Variants in WDR25 observed in about 807,000 individuals in gnomAD.
WDR25 encodes WD repeat domain 25, also known as WD repeat-containing protein 25.
WDR25 carries 35 observed loss-of-function variants against 47.7 expected under a neutral mutation model. That is an observed-to-expected ratio of 0.73 (90% CI 0.56 to 0.97). The LOEUF (loss-of-function observed/expected upper bound fraction) is 0.97, where lower values mean the gene tolerates loss of function less well. Ranked by LOEUF, WDR25 falls within the 50% of genes least tolerant of loss-of-function variation. The pLI is 0.00. For synonymous variants in WDR25, 248 were observed against 278.9 expected (o/e 0.89, Z 1.10); for missense variants, 634 against 704.7 (o/e 0.90, Z 1.14).
rs752347469 is a variant in WDR25, at chr14:100,500,065, G to T, written c.1101+15941G>T. ...TCCACCCAGAGGTTCCCTGGGACCT[G>T]GTTGCTGTCTTCCTAGAGGTGCCAC... On this transcript the variant is annotated intron_variant, in intron 4 of 6. Transcript: ENST00000402312. The surrounding 1 kb of genome is among the most constrained non-coding windows in gnomAD (Gnocchi z 4.7). Among the ~76,000 whole-genome samples the T allele has an allele frequency of 2.6e-5, 4 of 152,048 alleles. No homozygotes were observed. Among genetic ancestry groups the T allele is most frequent in the Non-Finnish European group, 5.9e-5 (4 of 68,002 alleles).
intron 2 of WDR25, among the ~76,000 whole-genome samples, chr14:100,402,509 T>A (rs1053054912): frequency 6.6e-6 from 1 of 152,208 alleles, no homozygotes; most frequent in Middle Eastern, 3.2e-3. Flanking sequence ...GACAGAGTGA[T>A]GCGCTGTCAG....
chr14:100,512,641 A>G (rs958691081), intron 4 of WDR25, among the ~76,000 whole-genome samples: 1 of 151,882 alleles, frequency 6.6e-6, no homozygotes, highest in Admixed American at 6.5e-5. Flanking sequence ...CTTGAATTTA[A>G]TTTTCTTTTT....
intron 1 of WDR25, among the ~76,000 whole-genome samples, chr14:100,379,227 T>C (rs1418144379): frequency 6.6e-6 from 1 of 152,186 alleles, no homozygotes; most frequent in Non-Finnish European, 1.5e-5. Flanking sequence ...AGCAAACATA[T>C]GCTAGTATTT....
chr14:100,388,926 T>G (rs1897078464), intron 2 of WDR25, among the ~76,000 whole-genome samples: 1 of 152,218 alleles, frequency 6.6e-6, no homozygotes, highest in African/African-American at 2.4e-5. Context: ...TCATCCCATG[T>G]CATTAAGGGA....
chr14:100,396,793 C>G (rs1897270012), intron 2 of WDR25, among the ~76,000 whole-genome samples: 1 of 152,238 alleles, frequency 6.6e-6, no homozygotes, highest in African/African-American at 2.4e-5. Context: ...GTCCCTGGGC[C>G]AGACTGCCAG....
chr14:100,460,634 A>G (rs1490897999), intron 2 of WDR25, among the ~76,000 whole-genome samples: 3 of 152,160 alleles, frequency 2.0e-5, no homozygotes, highest in African/African-American at 7.2e-5. Context: ...ACAATATCCA[A>G]CATTCATTAG....
chr14:100,411,216 C>T (rs1021128877), intron 2 of WDR25, among the ~76,000 whole-genome samples: 7 of 152,150 alleles, frequency 4.6e-5, no homozygotes, highest in Admixed American at 1.3e-4. Flanking sequence ...GTGCTAGGCT[C>T]AGACCCCAGC....
intron 2 of WDR25, among the ~76,000 whole-genome samples, chr14:100,457,532 G>A (rs1331409161): frequency 6.6e-6 from 1 of 152,164 alleles, no homozygotes; most frequent in Non-Finnish European, 1.5e-5. Context: ...TGATTTCGCC[G>A]TCAGCAAACT....
chr14:100,385,936 C>T (rs1456889163), intron 2 of WDR25, among the ~76,000 whole-genome samples: 1 of 152,156 alleles, frequency 6.6e-6, no homozygotes, highest in African/African-American at 2.4e-5. Flanking sequence ...ACAGAACCCT[C>T]TGCCAGGCAC....
chr14:100,528,386 A>G (rs1271561969), intron 5 of WDR25, among the ~76,000 whole-genome samples: 2 of 148,128 alleles, frequency 1.4e-5, no homozygotes, highest in African/African-American at 5.0e-5. Flanking sequence ...TCTTCACACC[A>G]CCTTCACTGT....
chr14:100,429,046 C>T (rs1008510845), intron 2 of WDR25, among the ~76,000 whole-genome samples: 4 of 152,148 alleles, frequency 2.6e-5, no homozygotes, highest in Admixed American at 1.3e-4. Flanking sequence ...TCCACTGTGC[C>T]GTAGATACTC....
intron 2 of WDR25, among the ~76,000 whole-genome samples, chr14:100,400,919 G>A (rs1042024934): frequency 3.3e-5 from 5 of 152,112 alleles, no homozygotes; most frequent in African/African-American, 4.8e-5. Context: ...TTTTGTTATT[G>A]TTTTTATTTT....
Position 100,521,210 on chromosome 14 carries a change from A to AG in WDR25, c.1102-4659dup, listed in dbSNP as rs535792464. Among the ~76,000 whole-genome samples, 345 of 152,186 alleles carry AG rather than the reference A, an allele frequency of 2.3e-3. 2 individuals are homozygous for AG. The highest frequency in any genetic ancestry group is 8.2e-3 in the African/African-American group (341 of 41,486). On this transcript the variant is annotated intron_variant, in intron 4 of 6. Coordinates refer to ENST00000402312, the MANE Select transcript of WDR25 (RefSeq NM_001161476.3). Reference sequence around the variant, plus strand: ...CACACACACACACACACACAGAGAGAGAGAGAGACAGAGAGAGAATTATAT... The same window carrying AG: ...CACACACACACACACACACAGAGAGAGGAGAGAGACAGAGAGAGAATTATAT...
At chr14:100,484,393 T>C (rs1287421534) in intron 4 of WDR25, among the ~76,000 whole-genome samples, 3 of 152,174 alleles carry the variant, frequency 2.0e-5, no homozygotes, top group Non-Finnish European at 4.4e-5. Context: ...TTCCAGATGA[T>C]ATAAAATGAA....
At position 100,430,827 on chromosome 14, in the gene WDR25, A is replaced by C. The variant is rs2140230776; in HGVS notation, c.823-37194A>C. On this transcript the variant is annotated intron_variant, in intron 2 of 6. Transcript: ENST00000402312. The surrounding 1 kb of genome is among the most constrained non-coding windows in gnomAD (Gnocchi z 4.7). The stretch of plus-strand genomic sequence containing the variant: ...GCAACGTGGACATTTCTGGCTGTCG[A>C]GAAGGGGCCTAAGAGGTGCCCACTC... Among the ~76,000 whole-genome samples the C allele has an allele frequency of 6.6e-6, 1 of 152,278 alleles. No homozygotes were observed. The highest frequency in any genetic ancestry group is 1.9e-4 in the East Asian group (1 of 5,178).
intron 2 of WDR25, among the ~76,000 whole-genome samples, chr14:100,391,163 G>A (rs533661093): frequency 6.6e-6 from 1 of 151,986 alleles, no homozygotes; most frequent in Admixed American, 6.6e-5. Flanking sequence ...CAAGTCTCTG[G>A]CCCTTTCCCT....
intron 2 of WDR25, among the ~76,000 whole-genome samples, chr14:100,434,847 C>T (rs889439262): frequency 5.9e-5 from 9 of 152,242 alleles, no homozygotes; most frequent in African/African-American, 2.2e-4. Context: ...TTTCTTATTC[C>T]GCTCTTTTTC....
intron 2 of WDR25, among the ~76,000 whole-genome samples, chr14:100,409,361 G>C (rs186221301): frequency 3.0e-4 from 45 of 152,286 alleles, no homozygotes; most frequent in Non-Finnish European, 4.9e-4. Context: ...AATCAGTTAG[G>C]AATATTGGCA....
In WDR25 at chr14:100,424,757, G is replaced by A. The variant is rs539558245; in HGVS notation, c.822+43011G>A. Among the ~76,000 whole-genome samples the A allele has an allele frequency of 6.6e-6, 1 of 152,332 alleles. No homozygotes were observed. The highest frequency in any genetic ancestry group is 1.9e-4 in the East Asian group (1 of 5,192). The stretch of plus-strand genomic sequence containing the variant: ...AGGGTTCCTTTCAGCAGCAGTGGCA[G>A]CCGTGACCACCTACTATGGACCAGC... On this transcript the variant is annotated intron_variant, in intron 2 of 6. Coordinates refer to ENST00000402312, the MANE Select transcript of WDR25 (RefSeq NM_001161476.3). The surrounding 1 kb of genome is among the most constrained non-coding windows in gnomAD (Gnocchi z 4.2).
Sources: allele counts gnomAD v4.1 joint callset (sites outside exome capture counted in the v4.1 genomes callset), GRCh38; gene constraint gnomAD v4.1.1; non-coding constraint Gnocchi (gnomAD v3.1); transcripts MANE v1.5; gene names NCBI Gene and HGNC (gene_info 2026-07-23, HGNC 2026-07-21).